Variants in PCLO observed in about 807,000 individuals in gnomAD.
The protein encoded by PCLO is protein piccolo.
A neutral mutation model predicts 427.5 loss-of-function variants in PCLO; 82 were observed. That is an observed-to-expected ratio of 0.19 (90% CI 0.16 to 0.23). PCLO has a LOEUF of 0.23. PCLO is among the 10% of genes least tolerant of loss of function. The pLI is 1.00. For synonymous variants in PCLO, 2,357 were observed against 2,155.4 expected (o/e 1.09, Z -2.59); for missense variants, 6,239 against 6,115.9 (o/e 1.02, Z -0.67).
chr7:82,918,074 A>G (rs1430338539), intron 6 of PCLO, among the ~76,000 whole-genome samples: 1 of 151,990 alleles, frequency 6.6e-6, no homozygotes, highest in Non-Finnish European at 1.5e-5. Context: ...TGAAGTTTAT[A>G]TGTTTCTAAG....
intron 10 of PCLO, among the ~76,000 whole-genome samples, chr7:82,867,416 G>C (rs924562715): frequency 2.0e-5 from 3 of 152,030 alleles, no homozygotes; most frequent in Non-Finnish European, 4.4e-5. Context: ...AAAAATCCAG[G>C]CAATAAGTAC....
chr7:82,799,055 C>A (rs748998063), intron 22 of PCLO, among the ~76,000 whole-genome samples: 52 of 152,058 alleles, frequency 3.4e-4, no homozygotes, highest in Admixed American at 1.4e-3. Context: ...AAGAAGAAAG[C>A]AGTATTAGGA....
intron 3 of PCLO, among the ~76,000 whole-genome samples, chr7:83,103,291 A>T (rs909840033): frequency 6.6e-6 from 1 of 151,946 alleles, no homozygotes; most frequent in Non-Finnish European, 1.5e-5. Context: ...TAAAAACTAG[A>T]CATTTTACTC....
chr7:83,125,867 C>A (rs1313079845), intron 3 of PCLO, among the ~76,000 whole-genome samples: 1 of 151,444 alleles, frequency 6.6e-6, no homozygotes, highest in Non-Finnish European at 1.5e-5. Flanking sequence ...CGAGAAACAC[C>A]CAAGAATGAT....
At chr7:82,939,157 G>A (rs931952009) in intron 6 of PCLO, among the ~76,000 whole-genome samples, 2 of 151,948 alleles carry the variant, frequency 1.3e-5, no homozygotes, top group Admixed American at 1.3e-4. Context: ...TATTGGCACT[G>A]TCATCAGAAT....
intron 22 of PCLO, among the ~76,000 whole-genome samples, chr7:82,784,147 A>G (rs1001710764): frequency 1.1e-4 from 16 of 152,074 alleles, no homozygotes; most frequent in Admixed American, 1.3e-4. Context: ...TCCTTTTAAA[A>G]CTTGAGCCAG....
rs1433328685 is a variant in PCLO, at chr7:82,951,542, T to C, written c.9098-52A>G. 5.4e-6 allele frequency: 7 copies of C among 1,290,640 alleles called. No homozygotes were observed. The Middle Eastern group carries it at 5.6e-4, about 104-fold the overall frequency. 79.9% of individuals were successfully genotyped at this position (1,290,640 alleles called of 1,614,324 possible). A position where few individuals can be genotyped will look rare whatever the true frequency, so the allele number is the denominator to read the frequency against. On this transcript the variant is annotated intron_variant, in intron 5 of 24. Transcript: ENST00000333891. ...CAGTTCCCAGAATGAATGATGCTTT[T>C]TGAGTTTGAAAACCCTCTCATCTTG... is the stretch of plus-strand genomic sequence containing the variant.
At chr7:83,078,519 C>CATTATTATTATTATTATT (rs143405758) in intron 3 of PCLO, among the ~76,000 whole-genome samples, 22,734 of 150,202 alleles carry the variant, frequency 0.15, 2,055 homozygotes, top group East Asian at 0.35. Context: ...ATGTTGCTAG[C>CATTATTATTATTATTATT]ATTATTATTA....
intron 6 of PCLO, among the ~76,000 whole-genome samples, chr7:82,942,328 ATAT>A (rs1337926023): frequency 1.3e-5 from 2 of 152,222 alleles, no homozygotes; most frequent in Non-Finnish European, 2.9e-5. Flanking sequence ...GCATATCATA[ATAT>A]TTAGTTTTAC....
intron 20 of PCLO, among the ~76,000 whole-genome samples, chr7:82,814,267 TAAC>T: frequency 6.6e-6 from 1 of 151,462 alleles, no homozygotes; most frequent in East Asian, 1.9e-4. Context: ...AATTATAAAT[TAAC>T]ATCAAATGAG....
intron 1 of PCLO, among the ~76,000 whole-genome samples, chr7:83,160,306 C>G (rs957740205): frequency 2.3e-4 from 35 of 152,068 alleles, no homozygotes; most frequent in African/African-American, 8.4e-4. Flanking sequence ...TGCTGTCAAT[C>G]TTTATTTTTA....
intron 20 of PCLO, among the ~76,000 whole-genome samples, chr7:82,817,478 C>G (rs1366063135): frequency 6.6e-6 from 1 of 152,044 alleles, no homozygotes; most frequent in Non-Finnish European, 1.5e-5. Flanking sequence ...TGCTGATTAG[C>G]TACTATCATC....
Position 83,156,036 on chromosome 7 carries a change from T to C in PCLO, c.605A>G (p.Lys202Arg), listed in dbSNP as rs1426157113. 6.2e-7 allele frequency: 1 copy of C among 1,613,678 alleles called. No homozygotes were observed. The highest frequency in any genetic ancestry group is 1.3e-5 in the African/African-American group (1 of 74,934). The change falls in exon 2 of 25, where the codon AAA becomes AGA. Residue 202 changes from lysine (K) to arginine (R), a missense_variant. Coordinates refer to ENST00000333891, the MANE Select transcript of PCLO (RefSeq NM_033026.6). ...AGGAGGTTTTATGATTCCTTCAGGT[T>C]TTCCTTGCTCCTTCTGAACCACTTT... is the stretch of plus-strand genomic sequence containing the variant. Reference protein sequence around the residue: ...KQKVVQKEQGKPEGIIKPPLQ... With the variant: ...KQKVVQKEQGRPEGIIKPPLQ...
chr7:82,863,059 C>T (rs1239817678), intron 10 of PCLO, among the ~76,000 whole-genome samples: 2 of 151,918 alleles, frequency 1.3e-5, no homozygotes, highest in Non-Finnish European at 2.9e-5. Context: ...ACCCTATTCT[C>T]CATGATGTGT....
intron 3 of PCLO, among the ~76,000 whole-genome samples, chr7:83,114,702 T>C (rs555041507): frequency 2.6e-5 from 4 of 152,248 alleles, no homozygotes; most frequent in South Asian, 4.1e-4. Context: ...TTCATCCATA[T>C]GTATTATCAG....
intron 20 of PCLO, among the ~76,000 whole-genome samples, chr7:82,806,672 G>A (rs1430112496): frequency 6.6e-6 from 1 of 152,190 alleles, no homozygotes; most frequent in East Asian, 1.9e-4. Flanking sequence ...TTCCGCCAGA[G>A]AGAGTGAACT....
chr7:82,938,485 A>T (rs1465863318), intron 6 of PCLO, among the ~76,000 whole-genome samples: 4 of 151,960 alleles, frequency 2.6e-5, no homozygotes, highest in Non-Finnish European at 5.9e-5. Flanking sequence ...AGTTATTACT[A>T]AAATTTAAAA....
chr7:83,023,100 A>G (rs1355459449), intron 3 of PCLO, among the ~76,000 whole-genome samples: 1 of 152,196 alleles, frequency 6.6e-6, no homozygotes, highest in Non-Finnish European at 1.5e-5. Flanking sequence ...TGTTACCACT[A>G]GCTATTTTGA....
intron 2 of PCLO, among the ~76,000 whole-genome samples, chr7:83,140,637 T>C (rs993465310): frequency 1.3e-5 from 2 of 152,230 alleles, no homozygotes; most frequent in Non-Finnish European, 2.9e-5. Flanking sequence ...ACTGTGAATC[T>C]CCCACTGTTT....
Sources: allele counts gnomAD v4.1 joint callset (sites outside exome capture counted in the v4.1 genomes callset), GRCh38; gene constraint gnomAD v4.1.1; transcripts MANE v1.5; gene names NCBI Gene and HGNC (gene_info 2026-07-23, HGNC 2026-07-21).